The following GPHN variants were observed in gnomAD, a reference collection of about 807,000 sequenced individuals.
The protein encoded by GPHN is gephyrin.
In GPHN, 17 loss-of-function variants were observed where a neutral mutation model predicts 95.5. That is an observed-to-expected ratio of 0.18 (90% confidence interval 0.12 to 0.27). The LOEUF (loss-of-function observed/expected upper bound fraction) is 0.27, where lower values mean the gene tolerates loss of function less well. Among genes scored for constraint, GPHN ranks in the 10% least tolerant of loss-of-function variants. GPHN has a pLI of 1.00. For missense variants in GPHN, 660 were observed against 978.1 expected (o/e 0.67, Z 4.34); for synonymous variants, 320 against 322.5 (o/e 0.99, Z 0.08).
At chr14:66,513,465 G>C (rs1472550725) in intron 1 of GPHN, among the ~76,000 whole-genome samples, 1 of 151,648 alleles carries the variant, frequency 6.6e-6, no homozygotes, top group Non-Finnish European at 1.5e-5. Context: ...AAGTTGAACA[G>C]GGTGTTTTTA....
At chr14:67,221,646 G>A in the GPHN span, 1 of 1,380,020 alleles carries the variant, frequency 7.2e-7, no homozygotes, top group South Asian at 1.4e-5. Flanking sequence ...AATGGCCTAG[G>A]TTTGCTAAAC....
At chr14:67,681,296 G>A in the GPHN span, among the ~76,000 whole-genome samples, 1 of 152,236 alleles carries the variant, frequency 6.6e-6, no homozygotes, top group Non-Finnish European at 1.5e-5. Flanking sequence ...GTCTCCAGAA[G>A]TGTGAGAAAA....
the GPHN span, chr14:67,589,375 T>A: frequency 1.0e-6 from 1 of 984,550 alleles, no homozygotes; most frequent in Admixed American, 6.2e-5. Flanking sequence ...CAAAGTCCAA[T>A]TTCTGTCTGG....
chr14:66,808,550 C>T (rs2060639401), intron 3 of GPHN, among the ~76,000 whole-genome samples: 1 of 152,142 alleles, frequency 6.6e-6, no homozygotes, highest in Admixed American at 6.5e-5. Flanking sequence ...CCTGTAATCC[C>T]AACACTTTGG....
intron 17 of GPHN, among the ~76,000 whole-genome samples, chr14:67,134,824 CTT>C (rs928602252): frequency 2.0e-5 from 3 of 150,514 alleles, no homozygotes; most frequent in Admixed American, 6.6e-5. Flanking sequence ...TATTTTCTTT[CTT>C]TCTTTCTTTT....
the GPHN span, among the ~76,000 whole-genome samples, chr14:67,601,879 TAAA>T: frequency 6.8e-6 from 1 of 146,174 alleles, no homozygotes; most frequent in East Asian, 2.0e-4. Context: ...TATATTCATT[TAAA>T]AAAAAAAAAA....
the GPHN span, among the ~76,000 whole-genome samples, chr14:67,309,689 C>T: frequency 6.6e-6 from 1 of 152,174 alleles, no homozygotes. Context: ...GTCTTAATTT[C>T]TCTCAGGGTA....
At chr14:67,126,687 GCAATTCCT>G (rs1268520696) in intron 17 of GPHN, among the ~76,000 whole-genome samples, 1 of 152,112 alleles carries the variant, frequency 6.6e-6, no homozygotes, top group African/African-American at 2.4e-5. Context: ...AGTCAGTGTG[GCAATTCCT>G]CAGGGATCTA....
intron 8 of GPHN, among the ~76,000 whole-genome samples, chr14:66,962,232 T>G (rs1056528994): frequency 2.0e-5 from 3 of 151,474 alleles, no homozygotes; most frequent in African/African-American, 7.3e-5. Flanking sequence ...TGTTGACATA[T>G]TCTTCTATGT....
chr14:66,772,347 CT>C (rs1158799045), intron 2 of GPHN, among the ~76,000 whole-genome samples: 3 of 152,222 alleles, frequency 2.0e-5, no homozygotes, highest in Admixed American at 2.0e-4. Context: ...TGCTTTTAAT[CT>C]TTGACCTCGT....
the GPHN span, among the ~76,000 whole-genome samples, chr14:67,238,004 A>C: frequency 6.6e-6 from 1 of 152,254 alleles, no homozygotes; most frequent in South Asian, 2.1e-4. Context: ...AGGGGGAAAA[A>C]AGTAGTTAAC....
intron 3 of GPHN, among the ~76,000 whole-genome samples, chr14:66,811,892 C>CA (rs1274413001): frequency 6.6e-6 from 1 of 152,182 alleles, no homozygotes; most frequent in Non-Finnish European, 1.5e-5. Context: ...CTAAACCAAA[C>CA]AAAGAAACAA....
chr14:66,893,864 G>A (rs112173891), intron 5 of GPHN, among the ~76,000 whole-genome samples: 2,303 of 152,144 alleles, frequency 0.015, 33 homozygotes, highest in Non-Finnish European at 0.018. Context: ...AAATAAAAGA[G>A]GATACAAACA....
At chr14:66,541,282 A>G (rs1369848537) in intron 1 of GPHN, among the ~76,000 whole-genome samples, 1 of 152,224 alleles carries the variant, frequency 6.6e-6, no homozygotes, top group Non-Finnish European at 1.5e-5. Flanking sequence ...GGTCTGATCC[A>G]TGGCATGTTA....
chr14:66,586,965 A>AT (rs1197767887), intron 1 of GPHN, among the ~76,000 whole-genome samples: 7 of 152,156 alleles, frequency 4.6e-5, no homozygotes, highest in Non-Finnish European at 8.8e-5. Flanking sequence ...AACAGAATTG[A>AT]TTTTTTCAGA....
intron 1 of GPHN, among the ~76,000 whole-genome samples, chr14:66,641,365 T>C (rs1227963746): frequency 6.6e-6 from 1 of 152,196 alleles, no homozygotes; most frequent in Non-Finnish European, 1.5e-5. Flanking sequence ...GTATATGAAA[T>C]GTATTTTTGA....
At chr14:67,576,681 G>T in the GPHN span, among the ~76,000 whole-genome samples, 2 of 152,184 alleles carry the variant, frequency 1.3e-5, no homozygotes, top group African/African-American at 4.8e-5. This position sits in a 1 kb window ranked among gnomAD's most constrained non-coding sequence, Gnocchi z 4.0. Flanking sequence ...AGATACTAAG[G>T]TGACCACTCT....
the GPHN span, chr14:67,615,563 G>A: frequency 3.0e-5 from 15 of 499,610 alleles, no homozygotes; most frequent in East Asian, 9.2e-5. Context: ...CCGGAGGAGC[G>A]TAAGAAGAAA....
chr14:66,998,873 T>C (rs1217948512), intron 9 of GPHN, among the ~76,000 whole-genome samples: 2 of 57,184 alleles, frequency 3.5e-5, no homozygotes, highest in African/African-American at 1.0e-4. Context: ...TTATGGTCCC[T>C]TTGTAAAAAA....
Sources: allele counts gnomAD v4.1 joint callset (sites outside exome capture counted in the v4.1 genomes callset), GRCh38; gene constraint gnomAD v4.1.1; non-coding constraint Gnocchi (gnomAD v3.1); transcripts MANE v1.5; gene names NCBI Gene and HGNC (gene_info 2026-07-23, HGNC 2026-07-21).